Variants in NECAB1 observed in about 807,000 individuals in gnomAD.
NECAB1 encodes the protein N-terminal EF-hand calcium binding protein 1.
Under a neutral mutation model 57.5 loss-of-function variants are expected in NECAB1, and 29 were observed. The ratio of observed to expected loss-of-function variants is 0.50; its 90% CI spans 0.38 to 0.69. NECAB1 has a LOEUF of 0.69. Among genes scored for constraint, NECAB1 ranks in the 30% least tolerant of loss-of-function variants. The probability of loss-of-function intolerance (pLI) is 0.00; values close to 1 mark genes in which losing one functional copy is unlikely to be tolerated. For synonymous variants in NECAB1, 142 were observed against 147.7 expected, an observed-to-expected ratio of 0.96 and a Z score of 0.28; for missense variants, 372 against 413.8, an observed-to-expected ratio of 0.90 and a Z score of 0.88.
chr8:90,906,673 G>A (rs1809658619), intron 5 of NECAB1, among the ~76,000 whole-genome samples: 1 of 151,896 alleles, frequency 6.6e-6, no homozygotes, highest in African/African-American at 2.4e-5. Flanking sequence ...TATAGAAGGA[G>A]TATTTTAGGA....
intron 4 of NECAB1, among the ~76,000 whole-genome samples, chr8:90,873,823 A>G (rs1226362650): frequency 6.6e-6 from 1 of 152,182 alleles, no homozygotes; most frequent in African/African-American, 2.4e-5. Context: ...GTATGATAGC[A>G]TATCTCCACT....
chr8:90,806,609 T>A (rs1811851045), intron 2 of NECAB1: 1 of 152,214 alleles, frequency 6.6e-6, no homozygotes, highest in Admixed American at 6.5e-5. Context: ...GAATAAACAG[T>A]TTAGAGCAGT....
At chr8:90,833,773 C>G (rs1812327375) in intron 3 of NECAB1, among the ~76,000 whole-genome samples, 1 of 152,124 alleles carries the variant, frequency 6.6e-6, no homozygotes, top group Admixed American at 6.6e-5. Context: ...AGTATTTTTC[C>G]TCCATTTCCA....
At chr8:90,896,988 G>A (rs1228857382) in intron 5 of NECAB1, among the ~76,000 whole-genome samples, 1 of 152,106 alleles carries the variant, frequency 6.6e-6, no homozygotes, top group Non-Finnish European at 1.5e-5. Context: ...TCAGGGATAA[G>A]AACCCCTTGC....
chr8:90,942,202 G>C (rs1489991797), intron 10 of NECAB1, among the ~76,000 whole-genome samples: 1 of 152,168 alleles, frequency 6.6e-6, no homozygotes, highest in Non-Finnish European at 1.5e-5. Flanking sequence ...TCCTCAAGAG[G>C]CTCATGAGAT....
intron 10 of NECAB1, among the ~76,000 whole-genome samples, chr8:90,944,132 T>A (rs1172979309): frequency 6.6e-6 from 1 of 152,168 alleles, no homozygotes; most frequent in East Asian, 1.9e-4. Flanking sequence ...TAAAAAAAAC[T>A]TATTAAAGTT....
chr8:90,941,118 CG>C (rs1563543473), intron 10 of NECAB1, among the ~76,000 whole-genome samples: 1 of 152,186 alleles, frequency 6.6e-6, no homozygotes, highest in Non-Finnish European at 1.5e-5. Flanking sequence ...CTTTAAACCC[CG>C]TGTCGTCTGA....
chr8:90,926,134 T>C (rs778555235), intron 7 of NECAB1, among the ~76,000 whole-genome samples: 3 of 152,204 alleles, frequency 2.0e-5, no homozygotes, highest in Non-Finnish European at 4.4e-5. Flanking sequence ...ATACCCATAA[T>C]TGTTAGGTTA....
At chr8:90,955,069 G>A (rs1487044620) in intron 12 of NECAB1, among the ~76,000 whole-genome samples, 2 of 120,188 alleles carry the variant, frequency 1.7e-5, no homozygotes, top group African/African-American at 6.1e-5. Context: ...ATAAATATAT[G>A]GTATTTCTAC....
rs180676306 is a variant in NECAB1 at position 90,931,951 on chromosome 8, A to C, written c.694-2353A>C. Among the ~76,000 whole-genome samples, 354 of 151,200 alleles carry C rather than the reference A, an allele frequency of 2.3e-3. 2 individuals are homozygous for C. Among genetic ancestry groups the C allele is most frequent in the African/African-American group, 8.3e-3 (337 of 40,728 alleles). On this transcript the variant is annotated intron_variant, in intron 8 of 12. Transcript: ENST00000417640. The stretch of plus-strand genomic sequence containing the variant: ...TAAACAAAAATAAAAAACAAAAAAA[A>C]ACCCCACCTTTAATGTTAAACAAAA...
At chr8:90,942,353 T>C (rs1367540692) in intron 10 of NECAB1, among the ~76,000 whole-genome samples, 4 of 152,342 alleles carry the variant, frequency 2.6e-5, no homozygotes, top group Admixed American at 2.0e-4. Flanking sequence ...CTCTAGAGTA[T>C]GAGTACAGTA....
At chr8:90,840,085 G>A (rs1253928275) in intron 3 of NECAB1, among the ~76,000 whole-genome samples, 2 of 152,106 alleles carry the variant, frequency 1.3e-5, no homozygotes, top group East Asian at 1.9e-4. Flanking sequence ...ATACCCTGAT[G>A]TTGCAAAACA....
chr8:90,919,908 C>T (rs1038545), intron 6 of NECAB1, among the ~76,000 whole-genome samples: 81,880 of 151,966 alleles, frequency 0.54, 26,049 homozygotes, highest in African/African-American at 0.87. Context: ...CCCTGAAAAC[C>T]TGTGCTCTGC....
intron 6 of NECAB1, 85 bp downstream of exon 6, chr8:90,917,713 C>A: frequency 7.8e-7 from 1 of 1,288,410 alleles, no homozygotes; most frequent in African/African-American, 1.5e-5. Flanking sequence ...CTTACACTAG[C>A]AAAAACTAAA....
intron 3 of NECAB1, among the ~76,000 whole-genome samples, chr8:90,842,623 A>G (rs1812473408): frequency 6.6e-6 from 1 of 152,216 alleles, no homozygotes; most frequent in Admixed American, 6.5e-5. Flanking sequence ...CTGGCCTGCC[A>G]TTGTGCACCA....
intron 5 of NECAB1, 66 bp from the exon 6 acceptor site, chr8:90,917,426 A>G: frequency 9.9e-7 from 1 of 1,011,878 alleles, no homozygotes; most frequent in South Asian, 2.2e-5. Flanking sequence ...TGGTAAAAGA[A>G]AAAAAAAAAA....
At chr8:90,818,113 T>A (rs1053267893) in intron 2 of NECAB1, among the ~76,000 whole-genome samples, 2 of 151,906 alleles carry the variant, frequency 1.3e-5, no homozygotes, top group Non-Finnish European at 2.9e-5. Flanking sequence ...ATCCTTTCAA[T>A]GTTTGTGGGA....
Position 90,919,498 on chromosome 8 carries a change from T to G in NECAB1, c.494+1870T>G, listed in dbSNP as rs534088063. ...ACCACCAACTTCTAACAAAAAATCC[T>G]GTAATTCCAGAATCTAATGAGCCCA... On this transcript the variant is annotated intron_variant, in intron 6 of 12. Coordinates refer to ENST00000417640, the MANE Select transcript of NECAB1 (RefSeq NM_022351.5). 1.2e-4 allele frequency among the ~76,000 whole-genome samples: 19 copies of G among 152,342 alleles called. No individual in the cohort carries two copies. In the South Asian group the frequency reaches 3.3e-3, roughly 27 times the overall value.
chr8:90,932,854 A>T (rs1274625642), intron 8 of NECAB1, among the ~76,000 whole-genome samples: 4 of 152,204 alleles, frequency 2.6e-5, no homozygotes, highest in Admixed American at 2.6e-4. Flanking sequence ...GTTCTCAGAG[A>T]TGAAGCACTA....
Sources: allele counts gnomAD v4.1 joint callset (sites outside exome capture counted in the v4.1 genomes callset), GRCh38; gene constraint gnomAD v4.1.1; transcripts MANE v1.5; gene names NCBI Gene and HGNC (gene_info 2026-07-23, HGNC 2026-07-21).